CNN3: variants seen among roughly 807,000 people sequenced by gnomAD.
CNN3 encodes calponin-3.
In CNN3, 11 loss-of-function variants were observed where a neutral mutation model predicts 39.0. The observed-to-expected ratio is 0.28, with a 90% CI of 0.18 to 0.47. CNN3 has a LOEUF of 0.47. CNN3 is among the 20% of genes least tolerant of loss of function. The pLI is 0.99. For missense variants in CNN3, 266 were observed against 403.4 expected (o/e 0.66, Z 2.92); for synonymous variants, 101 against 138.3 (o/e 0.73, Z 1.89).
intron 1 of CNN3, among the ~76,000 whole-genome samples, chr1:94,905,280 C>G (rs1490461774): frequency 1.3e-5 from 2 of 152,218 alleles, no homozygotes; most frequent in African/African-American, 4.8e-5. Flanking sequence ...AAAGCCACAA[C>G]AGCCTTTTAA....
At chr1:94,921,386 C>T (rs1671439236) in intron 1 of CNN3, among the ~76,000 whole-genome samples, 1 of 152,084 alleles carries the variant, frequency 6.6e-6, no homozygotes, top group African/African-American at 2.4e-5. Context: ...CAGAGGGAGA[C>T]TCCATCTCAA....
chr1:94,915,780 A>T (rs1671264498), intron 1 of CNN3, among the ~76,000 whole-genome samples: 1 of 152,198 alleles, frequency 6.6e-6, no homozygotes, highest in Admixed American at 6.5e-5. Flanking sequence ...AGCCTGGGCC[A>T]TCTCTTCCTA....
chr1:94,899,227 G>T, intron 6 of CNN3, 144 bp downstream of exon 6: 1 of 867,808 alleles, frequency 1.2e-6, no homozygotes, highest in Non-Finnish European at 1.6e-6. Flanking sequence ...AAGGTCTTTT[G>T]ATTATTTTGC....
chr1:94,918,507 T>C (rs11165273), intron 1 of CNN3, among the ~76,000 whole-genome samples: 2 of 74,174 alleles, frequency 2.7e-5, no homozygotes, highest in African/African-American at 4.4e-5. Flanking sequence ...AAAAATAAAA[T>C]AAAAAAAAAA....
At chr1:94,911,174 T>C (rs116239158) in intron 1 of CNN3, among the ~76,000 whole-genome samples, 4,598 of 152,352 alleles carry the variant, frequency 0.03, 107 homozygotes, top group South Asian at 0.049. Context: ...ATAGAATGCA[T>C]GCTTTTCTTG....
chr1:94,908,069 T>TGACA (rs1212378022), intron 1 of CNN3, among the ~76,000 whole-genome samples: 4 of 152,186 alleles, frequency 2.6e-5, no homozygotes, highest in Admixed American at 2.6e-4. Context: ...AAGCAGTGCC[T>TGACA]GACAGCCTTC....
Position 94,926,725 on chromosome 1 carries a change from C to G in CNN3, c.57+113G>C, listed in dbSNP as rs1671593540. The G allele has an allele frequency of 2.5e-6, 3 of 1,212,844 alleles. No homozygotes were observed. The highest frequency in any genetic ancestry group is 3.5e-6 in the Non-Finnish European group (3 of 846,696). 75.1% of individuals were successfully genotyped at this position (1,212,844 alleles called of 1,614,324 possible). On this transcript the variant is annotated intron_variant, in intron 1 of 6. Coordinates refer to ENST00000370206, the MANE Select transcript of CNN3 (RefSeq NM_001839.5). The surrounding 1 kb of genome is among the most constrained non-coding windows in gnomAD (Gnocchi z 4.2). ...AGACGCTCGCGCCGCCTCGACGGCC[C>G]CTCTCCAGGAAAACGGTGAGCCACA...
rs765565843 is a variant in CNN3 at position 94,898,071 on chromosome 1, C to T, written c.661G>A (p.Ala221Thr). 1 of 1,613,540 alleles carries T rather than the reference C, an allele frequency of 6.2e-7. No homozygotes were observed. The highest frequency in any genetic ancestry group is 8.5e-7 in the Non-Finnish European group (1 of 1,179,658). ...TAGATGTCTCTTCTGGTACCTGGTG[C>T]TAACATCCCTGCCTGGTATTAGAAC... ...NKGASQAGMLAPGTRRDIYDQ... is the reference protein window; with the variant it reads ...NKGASQAGMLTPGTRRDIYDQ... Residue 221 changes from alanine to threonine, a missense_variant, in exon 7 of 7, where the codon GCA becomes ACA. By Grantham distance (58) the Ala-to-Thr change is moderately conservative. Transcript: ENST00000370206.
chr1:94,913,419 C>G (rs946371609), intron 1 of CNN3, among the ~76,000 whole-genome samples: 1 of 152,162 alleles, frequency 6.6e-6, no homozygotes, highest in Non-Finnish European at 1.5e-5. Flanking sequence ...CACAGAGTTA[C>G]CTTGTCTACC....
chr1:94,920,888 C>T (rs888346211), intron 1 of CNN3, among the ~76,000 whole-genome samples: 2 of 152,154 alleles, frequency 1.3e-5, no homozygotes, highest in African/African-American at 4.8e-5. Context: ...CTGGATCTAC[C>T]TATGAGTTCC....
chr1:94,903,622 A>G (rs1670924507), intron 1 of CNN3, 98 bp from the exon 2 acceptor site: 6 of 1,498,642 alleles, frequency 4.0e-6, no homozygotes, highest in Non-Finnish European at 9.1e-7. Flanking sequence ...TTAAGACCAC[A>G]GCTGTGAAGT....
At chr1:94,911,011 ATG>A (rs1374690654) in intron 1 of CNN3, among the ~76,000 whole-genome samples, 1 of 152,174 alleles carries the variant, frequency 6.6e-6, no homozygotes, top group Non-Finnish European at 1.5e-5. Context: ...TCTGCTTAGA[ATG>A]TGTTTGCATC....
intron 1 of CNN3, 42 bp from the exon 2 acceptor site, chr1:94,903,566 G>C: frequency 6.2e-7 from 1 of 1,611,706 alleles, no homozygotes; most frequent in South Asian, 1.1e-5. Flanking sequence ...TTTCACAAAA[G>C]CATCAGAAAC....
In CNN3 at chr1:94,901,677, C is replaced by T; in HGVS notation, c.493G>A (p.Gly165Ser). The change falls in exon 5 of 7, where the codon GGT becomes AGT. Residue 165 changes from glycine (G) to serine (S), a missense_variant. Gly to Ser is a moderately conservative substitution (Grantham distance 56, BLOSUM62 0). Transcript: ENST00000370206. ...GKLKAGQSVI[G>S]LQMGTNKCAS... ...AACACCACATTACTTACCTGCAGAC[C>T]AATTACACTTTGGCCAGCTTTTAAT... 1 of 1,611,178 alleles carries T rather than the reference C, an allele frequency of 6.2e-7. No individual in the cohort carries two copies. The highest frequency in any genetic ancestry group is 1.1e-5 in the South Asian group (1 of 91,016).
In CNN3 at chr1:94,910,200, T is replaced by C. The variant is rs985985558; in HGVS notation, c.58-6676A>G. Among the ~76,000 whole-genome samples, 5 of 152,328 alleles carry C rather than the reference T, an allele frequency of 3.3e-5. No individual in the cohort carries two copies. In the East Asian group the frequency reaches 9.7e-4, roughly 29 times the overall value. ...AACATTAGCTTCTGTTTTTCAAGTG[T>C]TCCGTGTGTTCCTTAGATTCTTCTT... On this transcript the variant is annotated intron_variant, in intron 1 of 6. Coordinates refer to ENST00000370206, the MANE Select transcript of CNN3 (RefSeq NM_001839.5).
intron 5 of CNN3, among the ~76,000 whole-genome samples, chr1:94,901,461 T>C (rs1446298974): frequency 2.6e-5 from 4 of 151,610 alleles, no homozygotes; most frequent in African/African-American, 9.7e-5. Flanking sequence ...GGAGAAATAA[T>C]TGTCAAGTCA....
intron 1 of CNN3, among the ~76,000 whole-genome samples, chr1:94,919,746 CCCAGAAGAGTCCTT>C (rs1408907275): frequency 6.6e-6 from 1 of 152,164 alleles, no homozygotes; most frequent in African/African-American, 2.4e-5. Flanking sequence ...TTACAACTGA[CCCAGAAGAGTCCTT>C]CCAAGCACAA....
chr1:94,903,052 A>T (rs569149736), intron 3 of CNN3, 70 bp downstream of exon 3: 6 of 1,239,054 alleles, frequency 4.8e-6, no homozygotes, highest in Middle Eastern at 2.0e-4. Context: ...AAAAAACCAA[A>T]CCTGAAATCA....
intron 1 of CNN3, among the ~76,000 whole-genome samples, chr1:94,917,865 C>T (rs1671324807): frequency 6.6e-6 from 1 of 152,196 alleles, no homozygotes; most frequent in African/African-American, 2.4e-5. Flanking sequence ...AGATGGCACC[C>T]TGAGGTAGAT....
Sources: gnomAD v4.1 joint callset for allele counts (sites outside exome capture counted in the v4.1 genomes callset) on GRCh38, gnomAD v4.1.1 for gene constraint, Gnocchi (gnomAD v3.1) non-coding constraint, MANE v1.5 for transcripts, NCBI Gene and HGNC (gene_info 2026-07-23, HGNC 2026-07-21) for gene names.